Variants in CLTRN observed in about 807,000 individuals in gnomAD.
CLTRN encodes the protein collectrin.
A neutral mutation model predicts 14.5 loss-of-function variants in CLTRN; 12 were observed. That is an observed-to-expected ratio of 0.83 (90% CI 0.53 to 1.34). The LOEUF is 1.34. Among genes scored for constraint, CLTRN ranks in the 40% most tolerant of loss-of-function variants. The pLI is 0.00. For synonymous variants in CLTRN, 58 were observed against 56.5 expected (o/e 1.03, Z -0.12); for missense variants, 154 against 165.1 (o/e 0.93, Z 0.37).
chrX:15,655,808 G>C (rs988459361), intron 3 of CLTRN, among the ~76,000 whole-genome samples: 1 of 111,860 alleles, frequency 8.9e-6, no homozygotes, highest in Non-Finnish European at 1.9e-5. Flanking sequence ...GCAAGTTGGG[G>C]AGCATCCCTC....
At chrX:15,666,322 G>A (rs1182017374), upstream of CLTRN, among the ~76,000 whole-genome samples, 3 of 111,455 alleles carry the variant, frequency 2.7e-5, no homozygotes, top group Admixed American at 9.5e-5. Context: ...ATCTTTCCCC[G>A]GTGGGCATTC....
intron 2 of CLTRN, among the ~76,000 whole-genome samples, chrX:15,661,121 G>C (rs1929497484): frequency 8.9e-6 from 1 of 112,183 alleles, no homozygotes; most frequent in Non-Finnish European, 1.9e-5. Context: ...AAATGGGTCT[G>C]ATTAAAAATG....
chrX:15,636,232 G>C (rs1038779900), intron 5 of CLTRN, among the ~76,000 whole-genome samples: 1 of 112,354 alleles, frequency 8.9e-6, no homozygotes, highest in African/African-American at 3.2e-5. Context: ...TTATGTCAAA[G>C]AGATTTCTGC....
chrX:15,670,041 C>T (rs1055739481), intron 1 of CLTRN, among the ~76,000 whole-genome samples: 3 of 110,733 alleles, frequency 2.7e-5, no homozygotes, highest in African/African-American at 9.9e-5. Flanking sequence ...TTTGGGAGGG[C>T]GAGGCAAGCA....
chrX:15,667,094 G>A (rs5936008), upstream of CLTRN, among the ~76,000 whole-genome samples: 22,606 of 110,248 alleles, frequency 0.21, 1,897 homozygotes, highest in East Asian at 0.52. Flanking sequence ...ATAATTAGCC[G>A]GGCGTGGTGG....
chrX:15,651,789 C>T (rs745628016), intron 3 of CLTRN, among the ~76,000 whole-genome samples: 1 of 111,550 alleles, frequency 9.0e-6, no homozygotes, highest in South Asian at 3.8e-4. Flanking sequence ...AGAAGGTTAA[C>T]ATCTCAGTGC....
At chrX:15,642,780 T>C (rs1928971242) in intron 4 of CLTRN, among the ~76,000 whole-genome samples, 1 of 111,830 alleles carries the variant, frequency 8.9e-6, no homozygotes, top group African/African-American at 3.3e-5. Context: ...AAAGGAGAGA[T>C]AATAGTAATT....
Position 15,659,011 on chromosome X carries a change from C to T in CLTRN, c.203+5G>A. The T allele has an allele frequency of 9.1e-7, 1 of 1,103,419 alleles. No individual in the cohort carries two copies. 90.9% of individuals were successfully genotyped at this position (1,103,419 alleles called of 1,213,427 possible). On this transcript the variant is annotated splice_donor_5th_base_variant and intron_variant, in intron 3 of 5. Coordinates refer to ENST00000380342, the MANE Select transcript of CLTRN (RefSeq NM_020665.6). ...ATCAGTTAAGATTTCTCATTATTTG[C>T]TTACTCTGTTGCTTCTCTGTTGGGA...
rs773605452 is a variant in CLTRN, at chrX:15,652,974, G to A, written c.203+6042C>T. ...CAGGCACCTGTAATCCTTGCTACTCGGGAAACTGAGGCAGGAGAATTGCGT... is the reference window on the plus strand; with the variant it reads ...CAGGCACCTGTAATCCTTGCTACTCAGGAAACTGAGGCAGGAGAATTGCGT... On this transcript the variant is annotated intron_variant, in intron 3 of 5. Transcript: ENST00000380342. 7.7e-4 allele frequency among the ~76,000 whole-genome samples: 85 copies of A among 110,744 alleles called. 1 individual carries two copies. Among genetic ancestry groups the A allele is most frequent in the Non-Finnish European group, 1.4e-3 (73 of 52,914 alleles).
intron 4 of CLTRN, among the ~76,000 whole-genome samples, chrX:15,642,367 G>A (rs1288615442): frequency 8.9e-6 from 1 of 112,361 alleles, no homozygotes; most frequent in Admixed American, 9.4e-5. Flanking sequence ...CTTGGAATTA[G>A]TTGGTCACTC....
intron 2 of CLTRN, among the ~76,000 whole-genome samples, chrX:15,661,611 C>A (rs1173445987): frequency 2.7e-5 from 3 of 112,329 alleles, no homozygotes; most frequent in Admixed American, 9.4e-5. Flanking sequence ...AGAAAATGTA[C>A]AACTTAAGAG....
chrX:15,646,482 C>T (rs1440723134), intron 3 of CLTRN: 7 of 299,553 alleles, frequency 2.3e-5, no homozygotes, highest in Non-Finnish European at 4.6e-5. Context: ...CCGACCCCCG[C>T]GCCAGAAGCA....
intron 3 of CLTRN, among the ~76,000 whole-genome samples, chrX:15,650,383 T>C (rs147797542): frequency 0.023 from 2,562 of 111,424 alleles, 71 homozygotes; most frequent in African/African-American, 0.076. Flanking sequence ...ACTAGCTTCA[T>C]TGATAAGGAG....
At chrX:15,639,860 C>G in intron 4 of CLTRN, 104 bp from the exon 5 acceptor site, 1 of 795,420 alleles carries the variant, frequency 1.3e-6, no homozygotes, top group Non-Finnish European at 1.8e-6. Flanking sequence ...TCTCTATAAA[C>G]AAAGCATCCT....
chrX:15,660,157 G>A (rs775128804), intron 2 of CLTRN, among the ~76,000 whole-genome samples: 5 of 111,570 alleles, frequency 4.5e-5, no homozygotes, highest in Admixed American at 9.5e-5. Context: ...ATATTTTACC[G>A]TTACTGCCTT....
rs1303538995 is a variant in CLTRN, at chrX:15,645,063, G to A, written c.204-34C>T. 7.6e-6 allele frequency: 7 copies of A among 915,043 alleles called. No individual in the cohort carries two copies. The South Asian group carries it at 1.6e-4, about 21-fold the overall frequency. 75.4% of individuals were successfully genotyped at this position (915,043 alleles called of 1,213,427 possible). A position where few individuals can be genotyped will look rare whatever the true frequency, so the allele number is the denominator to read the frequency against. ...AGTGGAAAGAAAAAATACATGAGAA[G>A]AATATCATACCAAATGGCATTAAAC... On this transcript the variant is annotated intron_variant, in intron 3 of 5. Transcript: ENST00000380342.
chrX:15,641,659 T>G (rs1928946552), intron 4 of CLTRN, among the ~76,000 whole-genome samples: 1 of 109,073 alleles, frequency 9.2e-6, no homozygotes, highest in Non-Finnish European at 1.9e-5. Flanking sequence ...TGTGTGTGTG[T>G]GTGTGTGTGT....
rs771944175 is a variant in CLTRN at position 15,634,856 on chromosome X, C to T, written c.512+4706G>A. ...CTAGATGACGAGTTAGTGGGTGCAGCGCACCAGCATGGCACATGTATACAT... is the reference window on the plus strand; with the variant it reads ...CTAGATGACGAGTTAGTGGGTGCAGTGCACCAGCATGGCACATGTATACAT... On this transcript the variant is annotated intron_variant, in intron 5 of 5. Transcript: ENST00000380342. Among the ~76,000 whole-genome samples, 44 of 105,508 alleles carry T rather than the reference C, an allele frequency of 4.2e-4. 1 individual carries two copies. The South Asian group carries it at 0.017, about 40-fold the overall frequency. 91.6% of individuals were successfully genotyped at this position (105,508 alleles called of 115,157 possible). A position where few individuals can be genotyped will look rare whatever the true frequency, so the allele number is the denominator to read the frequency against.
intron 3 of CLTRN, among the ~76,000 whole-genome samples, chrX:15,647,278 C>T (rs1017907882): frequency 1.8e-5 from 2 of 109,304 alleles, no homozygotes; most frequent in Non-Finnish European, 3.9e-5. Context: ...CTGCTCCAGC[C>T]GACCACTCAG....
Sources: gnomAD v4.1 joint callset for allele counts (sites outside exome capture counted in the v4.1 genomes callset) on GRCh38, gnomAD v4.1.1 for gene constraint, MANE v1.5 for transcripts, NCBI Gene and HGNC (gene_info 2026-07-23, HGNC 2026-07-21) for gene names.